Variants in ADARB2 observed in about 807,000 individuals in gnomAD.
ADARB2 encodes adenosine deaminase RNA specific B2 (inactive).
In ADARB2, 25 loss-of-function variants were observed where a neutral mutation model predicts 62.2. That is an observed-to-expected ratio of 0.40 (90% CI 0.29 to 0.56). The LOEUF is 0.56. ADARB2 is among the 20% of genes least tolerant of loss of function. The pLI is 0.43. For synonymous variants in ADARB2, 572 were observed against 500.8 expected, an observed-to-expected ratio of 1.14 and a Z score of -1.90; for missense variants, 1,071 against 1,077.4, an observed-to-expected ratio of 0.99 and a Z score of 0.08.
intron 1 of ADARB2, among the ~76,000 whole-genome samples, chr10:1,424,223 C>CTGA (rs1466840736): frequency 6.6e-6 from 1 of 152,218 alleles, no homozygotes; most frequent in African/African-American, 2.4e-5. Flanking sequence ...AAAGACTTTG[C>CTGA]TGATTGATCT....
rs575470021 is a variant in ADARB2, at chr10:1,549,129, C to T, written c.101-169969G>A. 2.6e-4 allele frequency among the ~76,000 whole-genome samples: 37 copies of T among 142,514 alleles called. No homozygotes were observed. The South Asian group carries it at 5.2e-3, about 20-fold the overall frequency. The allele number at this position is 142,514 out of a possible 152,430, so 93.5% of individuals were successfully genotyped here. A position where few individuals can be genotyped will look rare whatever the true frequency, so the allele number is the denominator to read the frequency against. ...AGGCTGGCGTCCGGTACACGGAGTT[C>T]GAAACACTAGGGGGGAATCACTTTA... On this transcript the variant is annotated intron_variant, in intron 1 of 9. Transcript: ENST00000381312.
In ADARB2 at chr10:1,411,709, G is replaced by A. The variant is rs143392160; in HGVS notation, c.101-32549C>T. On this transcript the variant is annotated intron_variant, in intron 1 of 9. Coordinates refer to ENST00000381312, the MANE Select transcript of ADARB2 (RefSeq NM_018702.4). The stretch of plus-strand genomic sequence containing the variant: ...GGTGTGAGCTCCGCCGGCAAGAAGC[G>A]GATCGAACCATCCGTGCAAGGCCAC... Among the ~76,000 whole-genome samples, 1,117 of 152,200 alleles carry A rather than the reference G, an allele frequency of 7.3e-3. 20 individuals carry two copies. Among genetic ancestry groups the A allele is most frequent in the African/African-American group, 0.025 (1,033 of 41,542 alleles).
At chr10:1,337,072 G>GTGTC (rs72014348) in intron 3 of ADARB2, among the ~76,000 whole-genome samples, 3 of 150,076 alleles carry the variant, frequency 2.0e-5, no homozygotes, top group African/African-American at 7.5e-5. Context: ...CTGTGTGTGT[G>GTGTC]TGTGTGTGTG....
intron 8 of ADARB2, among the ~76,000 whole-genome samples, chr10:1,187,313 C>T (rs1034954265): frequency 6.6e-6 from 1 of 152,198 alleles, no homozygotes; most frequent in African/African-American, 2.4e-5. Context: ...AGTCACTACC[C>T]TGATCTGCGT....
chr10:1,233,936 T>C, intron 5 of ADARB2, 91 bp from the exon 6 acceptor site: 1 of 1,342,172 alleles, frequency 7.5e-7, no homozygotes, highest in South Asian at 1.7e-5. Context: ...TTTTGTAGAG[T>C]TGTTCCCCAA....
intron 7 of ADARB2, among the ~76,000 whole-genome samples, chr10:1,213,494 C>G (rs567474117): frequency 6.6e-6 from 1 of 152,168 alleles, no homozygotes; most frequent in African/African-American, 2.4e-5. Context: ...TGCCCCCACA[C>G]CTGGGCACCC....
At chr10:1,458,154 C>G (rs556802984) in intron 1 of ADARB2, among the ~76,000 whole-genome samples, 1 of 152,336 alleles carries the variant, frequency 6.6e-6, no homozygotes, top group African/African-American at 2.4e-5. Context: ...GGAGGTGTCA[C>G]TGTGGTGAAC....
At chr10:1,249,390 T>C (rs1166209998) in intron 4 of ADARB2, among the ~76,000 whole-genome samples, 4 of 146,814 alleles carry the variant, frequency 2.7e-5, no homozygotes, top group African/African-American at 1.0e-4. Context: ...TGGAGTGAGC[T>C]GAGATTGCGC....
intron 1 of ADARB2, among the ~76,000 whole-genome samples, chr10:1,651,476 C>T (rs1447073681): frequency 6.6e-6 from 1 of 152,232 alleles, no homozygotes; most frequent in East Asian, 1.9e-4. Context: ...TGGCCAGGGC[C>T]AAGTTCTCCA....
At chr10:1,486,823 T>C (rs1831549072) in intron 1 of ADARB2, among the ~76,000 whole-genome samples, 1 of 152,140 alleles carries the variant, frequency 6.6e-6, no homozygotes, top group South Asian at 2.1e-4. Flanking sequence ...GAAATCTCGA[T>C]TTACTGGTGT....
intron 1 of ADARB2, among the ~76,000 whole-genome samples, chr10:1,600,423 A>C (rs1348424980): frequency 6.6e-6 from 1 of 152,016 alleles, no homozygotes; most frequent in East Asian, 2.0e-4. Flanking sequence ...CACTTTGGGA[A>C]GCTGAGATGG....
chr10:1,351,202 G>A (rs1166685378), intron 3 of ADARB2, among the ~76,000 whole-genome samples: 3 of 152,154 alleles, frequency 2.0e-5, no homozygotes, highest in Non-Finnish European at 2.9e-5. Context: ...AAATCTTCTC[G>A]GCTTAGCGCT....
chr10:1,709,088 A>C (rs1195340694), intron 1 of ADARB2, among the ~76,000 whole-genome samples: 1 of 152,154 alleles, frequency 6.6e-6, no homozygotes, highest in East Asian at 1.9e-4. Context: ...ACTAAGAATG[A>C]CTGTTTCATA....
intron 1 of ADARB2, among the ~76,000 whole-genome samples, chr10:1,507,527 C>T (rs1350509407): frequency 6.6e-6 from 1 of 152,216 alleles, no homozygotes; most frequent in African/African-American, 2.4e-5. Context: ...GTGAATCTGA[C>T]GACTGCCTAG....
intron 1 of ADARB2, among the ~76,000 whole-genome samples, chr10:1,625,950 C>T (rs1186678037): frequency 2.5e-5 from 2 of 80,632 alleles, no homozygotes; most frequent in Non-Finnish European, 5.6e-5. Context: ...CAGTGGACCT[C>T]GGATGCTAAC....
chr10:1,476,740 G>A (rs1004436162), intron 1 of ADARB2, among the ~76,000 whole-genome samples: 7 of 152,144 alleles, frequency 4.6e-5, no homozygotes, highest in East Asian at 1.9e-4. Context: ...GCCAGGCACC[G>A]CCATGCATCC....
intron 4 of ADARB2, among the ~76,000 whole-genome samples, chr10:1,268,136 T>C (rs575459221): frequency 7.9e-5 from 12 of 152,256 alleles, no homozygotes; most frequent in African/African-American, 2.9e-4. Context: ...ATGAAAAAAG[T>C]ATCAAATGTT....
chr10:1,427,776 G>T (rs1469611046), intron 1 of ADARB2, among the ~76,000 whole-genome samples: 1 of 152,212 alleles, frequency 6.6e-6, no homozygotes, highest in African/African-American at 2.4e-5. Flanking sequence ...ACTGTACATG[G>T]ATGTTTATAG....
intron 3 of ADARB2, among the ~76,000 whole-genome samples, chr10:1,334,889 CAGA>C (rs1831959629): frequency 1.3e-5 from 2 of 152,154 alleles, no homozygotes; most frequent in Non-Finnish European, 2.9e-5. Context: ...AGAATGGCAC[CAGA>C]AGATTAACTG....
Sources: allele counts gnomAD v4.1 joint callset (sites outside exome capture counted in the v4.1 genomes callset), GRCh38; gene constraint gnomAD v4.1.1; transcripts MANE v1.5; gene names NCBI Gene and HGNC (gene_info 2026-07-23, HGNC 2026-07-21).